Variants in CDH13 observed in about 807,000 individuals in gnomAD.
CDH13 encodes cadherin-13.
In CDH13, 24 loss-of-function variants were observed where a neutral mutation model predicts 63.8. The observed-to-expected ratio is 0.38, with a 90% CI of 0.27 to 0.53. The LOEUF (loss-of-function observed/expected upper bound fraction) is 0.53, where lower values mean the gene tolerates loss of function less well. Ranked by LOEUF, CDH13 falls within the 20% of genes least tolerant of loss-of-function variation. CDH13 has a pLI of 0.85. For missense variants in CDH13, 1,049 were observed against 903.1 expected, an observed-to-expected ratio of 1.16 and a Z score of -2.07; for synonymous variants, 503 against 355.3, an observed-to-expected ratio of 1.42 and a Z score of -4.67.
chr16:83,138,846 G>A (rs1485644997), intron 4 of CDH13, among the ~76,000 whole-genome samples: 3 of 152,090 alleles, frequency 2.0e-5, no homozygotes, highest in African/African-American at 7.2e-5. Context: ...CAGGGGAGAG[G>A]CAGAAGGACT....
At chr16:82,747,746 G>A (rs1382249509) in intron 1 of CDH13, among the ~76,000 whole-genome samples, 4 of 152,218 alleles carry the variant, frequency 2.6e-5, no homozygotes, top group East Asian at 1.9e-4. Context: ...TACTTTTTAA[G>A]TGTCTGCATA....
chr16:83,573,168 GA>G (rs1485833701), intron 7 of CDH13, among the ~76,000 whole-genome samples: 3 of 152,210 alleles, frequency 2.0e-5, no homozygotes, highest in African/African-American at 7.2e-5. Flanking sequence ...TTTAGACACT[GA>G]AAGAACCTTG....
chr16:83,268,758 C>G (rs538950717), intron 5 of CDH13, among the ~76,000 whole-genome samples: 61 of 152,222 alleles, frequency 4.0e-4, no homozygotes, highest in African/African-American at 1.4e-3. Context: ...TTATATAGTC[C>G]ATGAACTACT....
intron 4 of CDH13, among the ~76,000 whole-genome samples, chr16:83,209,740 C>T (rs904551271): frequency 4.6e-5 from 7 of 152,074 alleles, no homozygotes; most frequent in African/African-American, 1.7e-4. Flanking sequence ...AGGCAAGGTG[C>T]TCCCCTAGCT....
At chr16:82,856,126 C>T (rs1026744822) in intron 1 of CDH13, among the ~76,000 whole-genome samples, 9 of 151,954 alleles carry the variant, frequency 5.9e-5, no homozygotes, top group Non-Finnish European at 1.3e-4. Context: ...CCTGTAATCC[C>T]AGCACTTTGG....
At chr16:82,935,415 G>A (rs545731463) in intron 2 of CDH13, among the ~76,000 whole-genome samples, 70 of 152,314 alleles carry the variant, frequency 4.6e-4, no homozygotes, top group African/African-American at 1.2e-3. Flanking sequence ...AAGCCAGACC[G>A]TATGACATGG....
chr16:83,399,111 G>A (rs2091929858), intron 6 of CDH13, among the ~76,000 whole-genome samples: 1 of 152,174 alleles, frequency 6.6e-6, no homozygotes, highest in African/African-American at 2.4e-5. Context: ...CATTGCCATG[G>A]CATGTTTCAA....
chr16:83,158,611 C>G (rs2037315696), intron 4 of CDH13, among the ~76,000 whole-genome samples: 1 of 152,350 alleles, frequency 6.6e-6, no homozygotes, highest in Non-Finnish European at 1.5e-5. Flanking sequence ...ATATACTGCT[C>G]CAGCGTTGGG....
At chr16:83,003,854 A>C (rs1298639179) in intron 2 of CDH13, among the ~76,000 whole-genome samples, 1 of 152,216 alleles carries the variant, frequency 6.6e-6, no homozygotes, top group Non-Finnish European at 1.5e-5. Context: ...CTGTATAAAT[A>C]AGAGCTTACA....
intron 10 of CDH13, among the ~76,000 whole-genome samples, chr16:83,714,872 G>A (rs1052466371): frequency 1.3e-5 from 2 of 152,036 alleles, no homozygotes; most frequent in African/African-American, 2.4e-5. Context: ...CCTAATTAAC[G>A]GTTTTGCCAA....
At chr16:82,955,042 C>T (rs750373141) in intron 2 of CDH13, among the ~76,000 whole-genome samples, 3 of 152,176 alleles carry the variant, frequency 2.0e-5, no homozygotes, top group Non-Finnish European at 4.4e-5. Flanking sequence ...GCTCAATGAA[C>T]ATTTTAGTTG....
At chr16:83,238,974 A>C (rs949386486) in intron 5 of CDH13, among the ~76,000 whole-genome samples, 1 of 152,132 alleles carries the variant, frequency 6.6e-6, no homozygotes, top group Non-Finnish European at 1.5e-5. Flanking sequence ...CTGACGAGAG[A>C]TAAGTCAAAG....
intron 10 of CDH13, chr16:83,735,442 T>A (rs1002735689): frequency 1.3e-5 from 2 of 152,218 alleles, no homozygotes; most frequent in Non-Finnish European, 2.9e-5. Context: ...TTGCTTTACT[T>A]GTAATTAGCA....
chr16:83,484,047 G>T (rs1598125941), intron 6 of CDH13, among the ~76,000 whole-genome samples: 1 of 152,232 alleles, frequency 6.6e-6, no homozygotes, highest in African/African-American at 2.4e-5. Context: ...GCACCTTGAA[G>T]CATGTGGCCG....
At chr16:83,114,324 G>T (rs2035198835) in intron 3 of CDH13, among the ~76,000 whole-genome samples, 1 of 152,180 alleles carries the variant, frequency 6.6e-6, no homozygotes, top group South Asian at 2.1e-4. Flanking sequence ...TGAAAAGGAT[G>T]CATGCATGAA....
chr16:83,355,643 C>G (rs1047783009), intron 6 of CDH13, among the ~76,000 whole-genome samples: 1 of 152,070 alleles, frequency 6.6e-6, no homozygotes, highest in African/African-American at 2.4e-5. Flanking sequence ...GAGTACCTGC[C>G]GTATACCAGG....
chr16:82,992,136 A>G (rs1276209320), intron 2 of CDH13, among the ~76,000 whole-genome samples: 2 of 152,228 alleles, frequency 1.3e-5, no homozygotes, highest in African/African-American at 4.8e-5. Flanking sequence ...TTTAATAGGA[A>G]GTGGTAAACT....
chr16:83,702,889 T>C lies in CDH13; in HGVS notation c.1538+24428T>C, dbSNP rs574923340. On this transcript the variant is annotated intron_variant, in intron 10 of 13. Transcript: ENST00000567109. ...CTTGGGCTGCACACATATTACTGCATAAAAATAGCTCGTTACCACCTTAGC... is the reference window on the plus strand; with the variant it reads ...CTTGGGCTGCACACATATTACTGCACAAAAATAGCTCGTTACCACCTTAGC... 3.2e-4 allele frequency among the ~76,000 whole-genome samples: 49 copies of C among 152,246 alleles called. 1 individual carries two copies. The highest frequency in any genetic ancestry group is 2.2e-3 in the Admixed American group (34 of 15,290).
At chr16:83,655,473 G>A (rs1200935166) in intron 8 of CDH13, among the ~76,000 whole-genome samples, 1 of 152,220 alleles carries the variant, frequency 6.6e-6, no homozygotes, top group Non-Finnish European at 1.5e-5. Context: ...GATGGTGCCA[G>A]TACATGAAGA....
Sources: allele counts gnomAD v4.1 joint callset (sites outside exome capture counted in the v4.1 genomes callset), GRCh38; gene constraint gnomAD v4.1.1; transcripts MANE v1.5; gene names NCBI Gene and HGNC (gene_info 2026-07-23, HGNC 2026-07-21).